DIAPH3: variants seen among roughly 807,000 people sequenced by gnomAD.
DIAPH3 encodes protein diaphanous homolog 3.
In DIAPH3, 117 loss-of-function variants were observed where a neutral mutation model predicts 144.3. That is an observed-to-expected ratio of 0.81 (90% CI 0.70 to 0.95). The LOEUF (loss-of-function observed/expected upper bound fraction) is 0.95, where lower values mean the gene tolerates loss of function less well. Ranked by LOEUF, DIAPH3 falls within the 40% of genes least tolerant of loss-of-function variation. The pLI, the probability that DIAPH3 is intolerant of heterozygous loss-of-function variation, is 0.00. For synonymous variants in DIAPH3, 519 were observed against 488.9 expected (o/e 1.06, Z -0.81); for missense variants, 1,421 against 1,412.7 (o/e 1.01, Z -0.09).
At chr13:59,734,248 T>C (rs1030596953) in intron 27 of DIAPH3, among the ~76,000 whole-genome samples, 2 of 152,148 alleles carry the variant, frequency 1.3e-5, no homozygotes, top group African/African-American at 4.8e-5. Context: ...GAATGATACA[T>C]AATACGTGAC....
At chr13:59,868,920 G>T (rs2044091865) in intron 21 of DIAPH3, among the ~76,000 whole-genome samples, 1 of 152,042 alleles carries the variant, frequency 6.6e-6, no homozygotes, top group Non-Finnish European at 1.5e-5. Context: ...TTTTAATATT[G>T]AATAATATTC....
chr13:59,889,186 T>G (rs2045636853), intron 20 of DIAPH3, among the ~76,000 whole-genome samples: 1 of 152,076 alleles, frequency 6.6e-6, no homozygotes, highest in Non-Finnish European at 1.5e-5. Context: ...CATTATTTCT[T>G]CAAATATTTT....
chr13:60,156,305 G>C (rs1378594834), intron 1 of DIAPH3, among the ~76,000 whole-genome samples: 1 of 152,168 alleles, frequency 6.6e-6, no homozygotes, highest in Non-Finnish European at 1.5e-5. Flanking sequence ...TCTGTGTAAA[G>C]TCCTTTAAAA....
At chr13:60,114,358 T>C (rs2058648672) in intron 2 of DIAPH3, among the ~76,000 whole-genome samples, 1 of 150,522 alleles carries the variant, frequency 6.6e-6, no homozygotes, top group Non-Finnish European at 1.5e-5. Flanking sequence ...AACCTGGACA[T>C]AGCTGAGGAA....
intron 27 of DIAPH3, among the ~76,000 whole-genome samples, chr13:59,680,997 C>T (rs868392842): frequency 6.6e-6 from 1 of 152,134 alleles, no homozygotes; most frequent in South Asian, 2.1e-4. Context: ...ACGAACCTTC[C>T]GATCTGAATC....
chr13:59,769,078 A>C (rs900457555), intron 27 of DIAPH3, among the ~76,000 whole-genome samples: 7 of 152,194 alleles, frequency 4.6e-5, no homozygotes, highest in African/African-American at 1.7e-4. Context: ...GAACCACCTA[A>C]TAAGGATGCA....
intron 25 of DIAPH3, among the ~76,000 whole-genome samples, chr13:59,801,637 T>C (rs1306814060): frequency 6.6e-6 from 1 of 152,224 alleles, no homozygotes; most frequent in Admixed American, 6.5e-5. Flanking sequence ...TCATCTATTT[T>C]CTGTTACTAT....
intron 27 of DIAPH3, among the ~76,000 whole-genome samples, chr13:59,668,191 A>G (rs915779930): frequency 1.3e-5 from 2 of 152,196 alleles, no homozygotes; most frequent in Non-Finnish European, 2.9e-5. Flanking sequence ...TAATGTACAT[A>G]TTGTGTTTGC....
At chr13:60,117,603 A>G (rs1594712481) in intron 2 of DIAPH3, among the ~76,000 whole-genome samples, 1 of 152,100 alleles carries the variant, frequency 6.6e-6, no homozygotes. Context: ...TTACTATCAA[A>G]TCATTTTACA....
intron 27 of DIAPH3, among the ~76,000 whole-genome samples, chr13:59,679,159 T>G (rs1016003575): frequency 6.6e-6 from 1 of 152,212 alleles, no homozygotes; most frequent in Non-Finnish European, 1.5e-5. Flanking sequence ...TCCCTTTTAA[T>G]GAGGAAAATA....
At chr13:60,088,147 C>G (rs2057810545) in intron 4 of DIAPH3, among the ~76,000 whole-genome samples, 1 of 152,092 alleles carries the variant, frequency 6.6e-6, no homozygotes, top group Non-Finnish European at 1.5e-5. Context: ...ACTGTCTGGA[C>G]AGTTTAATCA....
intron 17 of DIAPH3, among the ~76,000 whole-genome samples, chr13:59,961,652 A>G (rs1412194056): frequency 6.6e-6 from 1 of 152,234 alleles, no homozygotes; most frequent in African/African-American, 2.4e-5. Context: ...AAAACATAAT[A>G]GGATTTCTTT....
Position 59,970,862 on chromosome 13 carries a change from T to C in DIAPH3, c.1949A>G (p.Asn650Ser), listed in dbSNP as rs748864335. The C allele has an allele frequency of 1.9e-6, 3 of 1,612,620 alleles. No homozygotes were observed. Among genetic ancestry groups the C allele is most frequent in the East Asian group, 4.5e-5 (2 of 44,834 alleles). Residue 650 changes from asparagine (N) to serine (S), a missense_variant, in exon 16 of 28, where the codon AAT (asparagine) becomes AGT (serine). Physicochemically the swap from Asn to Ser is conservative, Grantham distance 46 (BLOSUM62 1). Coordinates refer to ENST00000400324, the MANE Select transcript of DIAPH3 (RefSeq NM_001042517.2). ...ATTAATTTCTTTTACCTTTAACCAATTCAATCTTCTCATGCTGATTTCAGG... is the reference window on the plus strand; with the variant it reads ...ATTAATTTCTTTTACCTTTAACCAACTCAATCTTCTCATGCTGATTTCAGG... Reference protein sequence around the residue: ...FKPEISMRRLNWLKIRPHEMT... With the variant: ...FKPEISMRRLSWLKIRPHEMT...
At chr13:60,049,839 G>C (rs141883263) in intron 4 of DIAPH3, among the ~76,000 whole-genome samples, 1 of 152,262 alleles carries the variant, frequency 6.6e-6, no homozygotes, top group East Asian at 1.9e-4. Context: ...GTGAGTGATA[G>C]GGGAAATAGC....
At chr13:59,871,414 G>A (rs1375024448) in intron 21 of DIAPH3, among the ~76,000 whole-genome samples, 2 of 152,158 alleles carry the variant, frequency 1.3e-5, no homozygotes, top group Non-Finnish European at 2.9e-5. Context: ...CATTAAGTAT[G>A]ATGCTAGCTG....
rs571419185 is a variant in DIAPH3, at chr13:59,831,141, A to G, written c.3027+1966T>C. On this transcript the variant is annotated intron_variant, in intron 24 of 27. Coordinates refer to ENST00000400324, the MANE Select transcript of DIAPH3 (RefSeq NM_001042517.2). ...AAGAACTGTGTGGCTTGTCTGACAT[A>G]CTATATGTAAGGCATTTAGAAGAAT... is the stretch of plus-strand genomic sequence containing the variant. Among the ~76,000 whole-genome samples the G allele has an allele frequency of 2.0e-5, 3 of 151,958 alleles. No individual in the cohort carries two copies. The South Asian group carries it at 6.2e-4, about 32-fold the overall frequency.
intron 12 of DIAPH3, among the ~76,000 whole-genome samples, chr13:59,988,988 A>G (rs1312463674): frequency 2.6e-5 from 4 of 151,926 alleles, no homozygotes; most frequent in Non-Finnish European, 4.4e-5. Flanking sequence ...GGAAATGAAA[A>G]AAGATTCTAA....
At chr13:59,843,633 T>C (rs2042462356) in intron 22 of DIAPH3, among the ~76,000 whole-genome samples, 1 of 152,252 alleles carries the variant, frequency 6.6e-6, no homozygotes, top group African/African-American at 2.4e-5. Flanking sequence ...TTGAGGCTAC[T>C]CTACAGATGC....
chr13:60,042,626 A>C (rs1594481828), intron 5 of DIAPH3, 64 bp downstream of exon 5: 28 of 1,600,842 alleles, frequency 1.7e-5, no homozygotes, highest in Non-Finnish European at 2.2e-5. Flanking sequence ...AATGAAAAAA[A>C]GTATTAAACT....
Sources: allele counts gnomAD v4.1 joint callset (sites outside exome capture counted in the v4.1 genomes callset), GRCh38; gene constraint gnomAD v4.1.1; transcripts MANE v1.5; gene names NCBI Gene and HGNC (gene_info 2026-07-23, HGNC 2026-07-21).